Variants in SOD2 observed in about 807,000 individuals in gnomAD.
SOD2 encodes the protein superoxide dismutase [Mn], mitochondrial.
SOD2 carries 11 observed loss-of-function variants against 27.0 expected under a neutral mutation model. The observed-to-expected ratio is 0.41, with a 90% CI of 0.26 to 0.67. The LOEUF (loss-of-function observed/expected upper bound fraction) is 0.67, where lower values mean the gene tolerates loss of function less well. SOD2 is among the 30% of genes least tolerant of loss of function. SOD2 has a pLI of 0.34. For missense variants in SOD2, 250 were observed against 274.5 expected, an observed-to-expected ratio of 0.91 and a Z score of 0.63; for synonymous variants, 105 against 103.0, an observed-to-expected ratio of 1.02 and a Z score of -0.12.
At chr6:159,728,430 C>CAA (rs57022984), upstream of SOD2, among the ~76,000 whole-genome samples, 783 of 151,836 alleles carry the variant, frequency 5.2e-3, 4 homozygotes, top group African/African-American at 0.018. Context: ...CAAAACAAAA[C>CAA]AAAAAAACTA....
chr6:159,732,428 C>T (rs1000631498), intron 1 of SOD2, among the ~76,000 whole-genome samples: 1 of 152,146 alleles, frequency 6.6e-6, no homozygotes, highest in African/African-American at 2.4e-5. Context: ...ACGTGAAGTT[C>T]CTGGTTGGTT....
upstream of SOD2, among the ~76,000 whole-genome samples, chr6:159,696,040 G>GC (rs1777416588): frequency 6.6e-6 from 1 of 152,234 alleles, no homozygotes; most frequent in Non-Finnish European, 1.5e-5. Context: ...GGGTTGAGAT[G>GC]AAGTCATTTT....
intron 1 of SOD2, among the ~76,000 whole-genome samples, chr6:159,744,256 G>A (rs1161120513): frequency 2.0e-5 from 3 of 152,126 alleles, no homozygotes; most frequent in Non-Finnish European, 4.4e-5. Context: ...TGTGTACTGT[G>A]TAGTATTTAC....
At chr6:159,761,504 G>C in exon 1 of SOD2, 1 of 456,118 alleles carries the variant, frequency 2.2e-6, no homozygotes, top group South Asian at 1.5e-5. Context: ...GCGAGCGAAT[G>C]ACTGGCGCCA....
At chr6:159,682,723 A>C in intron 4 of SOD2, 85 bp from the exon 5 acceptor site, 4 of 1,349,848 alleles carry the variant, frequency 3.0e-6, no homozygotes, top group Non-Finnish European at 4.0e-6. Context: ...TTATTATTCT[A>C]CTCACACAAA....
At chr6:159,714,338 C>G (rs1325892765) in intron 1 of SOD2, among the ~76,000 whole-genome samples, 1 of 152,208 alleles carries the variant, frequency 6.6e-6, no homozygotes, top group Non-Finnish European at 1.5e-5. Context: ...CTGAGTCCCA[C>G]ACTGGCTGAC....
chr6:159,696,196 CA>C (rs1323870236), upstream of SOD2, among the ~76,000 whole-genome samples: 3 of 152,210 alleles, frequency 2.0e-5, no homozygotes, highest in African/African-American at 7.2e-5. Context: ...ATCAAGGATG[CA>C]GGCTTTCTGT....
At chr6:159,733,784 C>T (rs1207508440) in intron 1 of SOD2, among the ~76,000 whole-genome samples, 4 of 152,020 alleles carry the variant, frequency 2.6e-5, no homozygotes, top group Admixed American at 1.3e-4. Flanking sequence ...GGCGTGGTGG[C>T]GCATGCCTGT....
intron 1 of SOD2, among the ~76,000 whole-genome samples, chr6:159,714,828 G>A (rs1777896532): frequency 6.6e-6 from 1 of 152,104 alleles, no homozygotes. Flanking sequence ...TTGGTAGACT[G>A]CCTCCTTTCT....
chr6:159,707,730 C>G (rs900274170), intron 1 of SOD2, among the ~76,000 whole-genome samples: 2 of 152,090 alleles, frequency 1.3e-5, no homozygotes, highest in Middle Eastern at 3.2e-3. Context: ...CTATTCCAAT[C>G]AATAGAAAAA....
chr6:159,718,894 CAT>C (rs1777973738), intron 1 of SOD2, among the ~76,000 whole-genome samples: 1 of 152,320 alleles, frequency 6.6e-6, no homozygotes, highest in Admixed American at 6.5e-5. Context: ...ATGACATGGT[CAT>C]AGTCACACCA....
intron 1 of SOD2, among the ~76,000 whole-genome samples, chr6:159,718,252 C>G (rs1369388768): frequency 6.6e-6 from 1 of 152,092 alleles, no homozygotes; most frequent in African/African-American, 2.4e-5. Context: ...AAATTCCCAG[C>G]CTCCTAAAGT....
upstream of SOD2, among the ~76,000 whole-genome samples, chr6:159,694,775 T>TC (rs397753428): frequency 2.7e-5 from 4 of 149,950 alleles, no homozygotes; most frequent in Admixed American, 2.7e-4. Flanking sequence ...TTTTTTTTTT[T>TC]GTATTTTTGG....
In SOD2 at chr6:159,673,023, G is replaced by C. The variant is rs1161686311; in HGVS notation, c.*9470C>G. ...AAGAAGGCCATTACATGATAGTAAA[G>C]GGATCAATTCAACAAGAAGAGCTAA... On this transcript the variant is annotated 3_prime_UTR_variant, in exon 5 of 5. Coordinates refer to ENST00000538183, the MANE Select transcript of SOD2 (RefSeq NM_000636.4). The C allele has an allele frequency of 2.6e-5, 4 of 152,144 alleles. No individual in the cohort carries two copies. The highest frequency in any genetic ancestry group is 9.7e-5 in the African/African-American group (4 of 41,430). The allele number at this position is 152,144 out of a possible 1,614,324, so 9.4% of individuals were successfully genotyped here.
chr6:159,685,542 C>T (rs1780150144), intron 3 of SOD2, among the ~76,000 whole-genome samples: 2 of 151,916 alleles, frequency 1.3e-5, no homozygotes. Flanking sequence ...GTGCCCGGTT[C>T]AAATTTTATT....
At chr6:159,727,427 G>C (rs1167725933), upstream of SOD2, 1 of 1,063,682 alleles carries the variant, frequency 9.4e-7, no homozygotes, top group African/African-American at 1.9e-5. Flanking sequence ...CCTGCGGCGC[G>C]TTCGGACCGG....
chr6:159,746,081 A>G (rs1156362682), upstream of SOD2, among the ~76,000 whole-genome samples: 1 of 152,236 alleles, frequency 6.6e-6, no homozygotes, highest in Non-Finnish European at 1.5e-5. Flanking sequence ...TCCCCAAAAT[A>G]CAAAGTGATT....
intron 1 of SOD2, among the ~76,000 whole-genome samples, chr6:159,742,363 C>T (rs1181173216): frequency 6.6e-6 from 1 of 152,138 alleles, no homozygotes; most frequent in Non-Finnish European, 1.5e-5. Context: ...CATGTAATGG[C>T]ATGACTTAGC....
At chr6:159,716,381 T>G (rs1394829242) in intron 1 of SOD2, among the ~76,000 whole-genome samples, 1 of 152,188 alleles carries the variant, frequency 6.6e-6, no homozygotes, top group Non-Finnish European at 1.5e-5. Flanking sequence ...TGTTGCCTCA[T>G]CGTCACAAGA....
Sources: allele counts gnomAD v4.1 joint callset (sites outside exome capture counted in the v4.1 genomes callset), GRCh38; gene constraint gnomAD v4.1.1; transcripts MANE v1.5; gene names NCBI Gene and HGNC (gene_info 2026-07-23, HGNC 2026-07-21).